The following MCF2L variants were observed in gnomAD, a reference collection of about 807,000 sequenced individuals.
MCF2L encodes the protein guanine nucleotide exchange factor DBS.
In MCF2L, 97 loss-of-function variants were observed where a neutral mutation model predicts 153.4. The ratio of observed to expected loss-of-function variants is 0.63; its 90% CI spans 0.54 to 0.75. MCF2L has a LOEUF of 0.75. Among genes scored for constraint, MCF2L ranks in the 30% least tolerant of loss-of-function variants. The pLI is 0.00. For missense variants in MCF2L, 1,347 were observed against 1,495.2 expected (o/e 0.90, Z 1.64); for synonymous variants, 659 against 632.2 (o/e 1.04, Z -0.64).
intron 2 of MCF2L, among the ~76,000 whole-genome samples, chr13:112,934,142 A>C (rs529952320): frequency 8.5e-5 from 13 of 152,188 alleles, no homozygotes; most frequent in African/African-American, 3.1e-4. Context: ...TTGTGCATCC[A>C]CCTCCCTGGC....
At chr13:113,093,306 T>C (rs1449611200) in intron 26 of MCF2L, among the ~76,000 whole-genome samples, 2 of 152,240 alleles carry the variant, frequency 1.3e-5, no homozygotes, top group Admixed American at 6.5e-5. Context: ...GCAGGCCTGG[T>C]GTGGTGCCTG....
In MCF2L at chr13:112,973,529, G is replaced by T. The variant is rs1266837394; in HGVS notation, c.79+4071G>T. ...CCTCTGAGCATCCTTGGTGTCCTGTGTTGCTGACCTTCTGTGATCTGACGC... is the reference window on the plus strand; with the variant it reads ...CCTCTGAGCATCCTTGGTGTCCTGTTTTGCTGACCTTCTGTGATCTGACGC... On this transcript the variant is annotated intron_variant, in intron 1 of 29. Coordinates refer to ENST00000535094, the MANE Select transcript of MCF2L (RefSeq NM_001112732.3). Among the ~76,000 whole-genome samples, 3 of 152,240 alleles carry T rather than the reference G, an allele frequency of 2.0e-5. No individual in the cohort carries two copies. In the East Asian group the frequency reaches 5.8e-4, roughly 29 times the overall value.
intron 8 of MCF2L, 140 bp from the exon 9 acceptor site, chr13:113,069,919 T>C (rs1233230178): frequency 3.6e-6 from 2 of 551,546 alleles, no homozygotes; most frequent in Non-Finnish European, 6.3e-6. Flanking sequence ...CAGGTTTAGG[T>C]GCAGGGAGTG....
upstream of MCF2L, chr13:112,968,550 G>A (rs1373712285): frequency 7.7e-6 from 12 of 1,550,322 alleles, no homozygotes; most frequent in Non-Finnish European, 1.0e-5. Context: ...CCCCTGCGGG[G>A]AGGGGCTGGT....
At chr13:113,029,992 T>C (rs1158503898) in intron 3 of MCF2L, among the ~76,000 whole-genome samples, 1 of 152,256 alleles carries the variant, frequency 6.6e-6, no homozygotes, top group Non-Finnish European at 1.5e-5. Flanking sequence ...TGTTGTATTC[T>C]AATTTTAACT....
chr13:112,968,661 C>T (rs751057760), upstream of MCF2L: 5 of 1,511,204 alleles, frequency 3.3e-6, no homozygotes, highest in Non-Finnish European at 2.6e-6. Flanking sequence ...GGAAGGGGCG[C>T]GCTGGGCTGC....
rs866684690 is a variant in MCF2L, at chr13:112,919,371, A to C, written c.169+17000A>C. 1.7e-3 allele frequency among the ~76,000 whole-genome samples: 254 copies of C among 151,376 alleles called. 3 individuals carry two copies. Among genetic ancestry groups the C allele is most frequent in the African/African-American group, 5.7e-3 (236 of 41,228 alleles). On this transcript the variant is annotated intron_variant, in intron 2 of 29. Coordinates refer to the MCF2L transcript ENST00000375608. ...CAGGCGCCCGCCACTACGCCCGGCT[A>C]ATTTTTTGTATTTTTAGTAGAGACG...
At chr13:112,961,669 A>G (rs990419456) in intron 2 of MCF2L, among the ~76,000 whole-genome samples, 8 of 152,228 alleles carry the variant, frequency 5.3e-5, no homozygotes, top group Admixed American at 2.0e-4. Flanking sequence ...CCACACACAC[A>G]GCTGGGCTGT....
In MCF2L at chr13:112,925,510, G is replaced by C. The variant is rs56365129; in HGVS notation, c.169+23139G>C. Reference sequence around the variant, plus strand: ...TAAGAGAAAACGGGTTAAATAAAGGGCATCATATTCATACCCCACAAAGCT... The same window carrying C: ...TAAGAGAAAACGGGTTAAATAAAGGCCATCATATTCATACCCCACAAAGCT... On this transcript the variant is annotated intron_variant, in intron 2 of 29. Coordinates refer to the MCF2L transcript ENST00000375608. 3.7e-4 allele frequency among the ~76,000 whole-genome samples: 56 copies of C among 152,084 alleles called. 1 individual carries two copies. The South Asian group carries it at 0.011, about 30-fold the overall frequency.
chr13:112,973,652 G>C (rs559303589), intron 1 of MCF2L, among the ~76,000 whole-genome samples: 4 of 152,204 alleles, frequency 2.6e-5, no homozygotes, highest in Non-Finnish European at 4.4e-5. Context: ...GCGCGAGCAC[G>C]GCTTCACCTG....
chr13:113,073,822 G>A (rs1391772800), intron 9 of MCF2L, among the ~76,000 whole-genome samples: 2 of 151,952 alleles, frequency 1.3e-5, no homozygotes, highest in African/African-American at 2.4e-5. Context: ...GGCTGAGGCA[G>A]GAAAATCACT....
At chr13:113,033,721 G>A (rs909446226) in intron 3 of MCF2L, among the ~76,000 whole-genome samples, 5 of 152,036 alleles carry the variant, frequency 3.3e-5, no homozygotes, top group Admixed American at 1.3e-4. Flanking sequence ...GGCCCCGGTC[G>A]CCCTCCATGG....
Position 113,028,026 on chromosome 13 carries a change from G to A in MCF2L, c.278+3268G>A, listed in dbSNP as rs532981826. 1.1e-4 allele frequency among the ~76,000 whole-genome samples: 16 copies of A among 152,318 alleles called. No homozygotes were observed. The highest frequency in any genetic ancestry group is 3.8e-4 in the African/African-American group (16 of 41,560). On this transcript the variant is annotated intron_variant, in intron 3 of 29. Coordinates refer to ENST00000535094, the MANE Select transcript of MCF2L (RefSeq NM_001112732.3). This position sits in a 1 kb window ranked among gnomAD's most constrained non-coding sequence, Gnocchi z 5.4. ...CCCTGATGGCACCTCCTGGCATGGGGCTAAATGAGATTCTGTGGTGTCCAC... is the reference window on the plus strand; with the variant it reads ...CCCTGATGGCACCTCCTGGCATGGGACTAAATGAGATTCTGTGGTGTCCAC...
intron 1 of MCF2L, among the ~76,000 whole-genome samples, chr13:112,982,567 G>A (rs1050578177): frequency 2.0e-5 from 3 of 152,154 alleles, no homozygotes; most frequent in Middle Eastern, 3.2e-3. Context: ...TGTGCGCCAC[G>A]GAAGGCTGCT....
At chr13:112,989,109 G>T (rs113483059) in intron 1 of MCF2L, among the ~76,000 whole-genome samples, 3 of 29,284 alleles carry the variant, frequency 1.0e-4, no homozygotes, top group East Asian at 1.6e-3. Context: ...CTACCACACC[G>T]GAGTCCTCCC....
chr13:113,082,140 G>C (rs760891580), intron 16 of MCF2L, among the ~76,000 whole-genome samples: 2 of 152,162 alleles, frequency 1.3e-5, no homozygotes, highest in African/African-American at 2.4e-5. Flanking sequence ...CTGAGTGTGA[G>C]CAGGTCACCC....
chr13:112,926,544 G>A (rs1333496369), intron 2 of MCF2L, among the ~76,000 whole-genome samples: 1 of 152,182 alleles, frequency 6.6e-6, no homozygotes, highest in East Asian at 1.9e-4. Context: ...TACATGCACA[G>A]GGGGGTGCTG....
chr13:113,002,981 C>T (rs1248164681), intron 1 of MCF2L, among the ~76,000 whole-genome samples: 2 of 146,998 alleles, frequency 1.4e-5, no homozygotes, highest in Non-Finnish European at 3.0e-5. Flanking sequence ...TCAGCCTGGG[C>T]AACATACCAA....
At chr13:113,081,465 C>T (rs1462884427) in intron 16 of MCF2L, among the ~76,000 whole-genome samples, 186 bp downstream of exon 16, 2 of 152,246 alleles carry the variant, frequency 1.3e-5, no homozygotes, top group East Asian at 1.9e-4. Flanking sequence ...AAGACACAGA[C>T]CAGGCAGCTC....
Sources: allele counts gnomAD v4.1 joint callset (sites outside exome capture counted in the v4.1 genomes callset), GRCh38; gene constraint gnomAD v4.1.1; non-coding constraint Gnocchi (gnomAD v3.1); transcripts MANE v1.5; gene names NCBI Gene and HGNC (gene_info 2026-07-23, HGNC 2026-07-21).